Variants in GRIK1 observed in about 807,000 individuals in gnomAD.
GRIK1 encodes the protein glutamate receptor ionotropic, kainate 1.
A neutral mutation model predicts 105.7 loss-of-function variants in GRIK1; 69 were observed. The observed-to-expected ratio is 0.65, with a 90% CI of 0.54 to 0.80. GRIK1 has a LOEUF of 0.80. Among genes scored for constraint, GRIK1 ranks in the 30% least tolerant of loss-of-function variants. The pLI, the probability that GRIK1 is intolerant of heterozygous loss-of-function variation, is 0.00. For synonymous variants in GRIK1, 438 were observed against 431.3 expected (o/e 1.02, Z -0.19); for missense variants, 1,109 against 1,167.3 (o/e 0.95, Z 0.73).
intron 1 of GRIK1, among the ~76,000 whole-genome samples, chr21:29,715,245 T>C (rs2064152217): frequency 6.6e-6 from 1 of 152,202 alleles, no homozygotes; most frequent in Non-Finnish European, 1.5e-5. Context: ...GGGGATTCAC[T>C]AGTGACTGCC....
rs181337704 is a variant in GRIK1 at position 29,819,682 on chromosome 21, C to T, written c.118+119701G>A. ...ATAAGGTCATCATAATTCCTCCTCC[C>T]CCAGAGAAAATCTAACAGCAATTGT... On this transcript the variant is annotated intron_variant, in intron 1 of 17. Transcript: ENST00000327783. 2.1e-3 allele frequency among the ~76,000 whole-genome samples: 326 copies of T among 151,990 alleles called. 1 individual carries two copies. Among genetic ancestry groups the T allele is most frequent in the Non-Finnish European group, 3.2e-3 (218 of 67,942 alleles).
At chr21:29,692,919 T>A (rs2063612908) in intron 2 of GRIK1, among the ~76,000 whole-genome samples, 1 of 152,224 alleles carries the variant, frequency 6.6e-6, no homozygotes, top group South Asian at 2.1e-4. Context: ...AAGTTTTATA[T>A]TTTGTTTGCA....
intron 1 of GRIK1, among the ~76,000 whole-genome samples, chr21:29,701,325 C>T (rs1162136662): frequency 1.3e-5 from 2 of 152,064 alleles, no homozygotes; most frequent in Non-Finnish European, 2.9e-5. Flanking sequence ...TGGGAGGGCA[C>T]TTTTGAGCAA....
chr21:29,844,050 C>T (rs899157193), intron 1 of GRIK1, among the ~76,000 whole-genome samples: 1 of 152,208 alleles, frequency 6.6e-6, no homozygotes, highest in Non-Finnish European at 1.5e-5. Context: ...CTCACACTCT[C>T]ATTACGCCAT....
intron 1 of GRIK1, among the ~76,000 whole-genome samples, chr21:29,936,982 G>T (rs2071780858): frequency 6.6e-6 from 1 of 152,168 alleles, no homozygotes; most frequent in Non-Finnish European, 1.5e-5. Flanking sequence ...TTGGTTGGTT[G>T]ATTGTTTAGT....
Position 29,587,443 on chromosome 21 carries a change from G to A in GRIK1, c.1716C>T (p.Asn572=), listed in dbSNP as rs771223151. ...ACATCCAAATATCTGGAGACAGGGG[G>A]TTGAGGAAGGAGAAAACGCCTGGAT... The part of the protein sequence containing the change: ...GTNPGVFSFL[N]PLSPDIWMYV... The change falls in exon 12 of 18, where the codon AAC becomes AAT. Residue 572 remains asparagine (N), a synonymous_variant. Transcript: ENST00000327783. 54 of 1,613,614 alleles carry A rather than the reference G, an allele frequency of 3.3e-5. No homozygotes were observed. The South Asian group carries it at 5.7e-4, about 17-fold the overall frequency.
intron 11 of GRIK1, among the ~76,000 whole-genome samples, chr21:29,587,961 A>ATTTTTTTTTTTT (rs1555842114): frequency 1.2e-5 from 1 of 81,836 alleles, no homozygotes; most frequent in African/African-American, 5.5e-5. Flanking sequence ...AAACTTTAAA[A>ATTTTTTTTTTTT]TTCTTTTTTT....
intron 1 of GRIK1, among the ~76,000 whole-genome samples, chr21:29,728,955 G>A (rs2284459): frequency 0.038 from 5,826 of 152,164 alleles, 253 homozygotes; most frequent in East Asian, 0.1. Context: ...TGAAAGAAGA[G>A]GCGATACCAT....
At chr21:29,843,198 T>A (rs1030293567) in intron 1 of GRIK1, among the ~76,000 whole-genome samples, 8 of 152,282 alleles carry the variant, frequency 5.3e-5, no homozygotes, top group African/African-American at 1.9e-4. Flanking sequence ...TGAATGATGG[T>A]TGCTAATGCC....
chr21:29,827,208 A>G (rs1029882985), intron 1 of GRIK1, among the ~76,000 whole-genome samples: 4 of 152,152 alleles, frequency 2.6e-5, no homozygotes, highest in African/African-American at 9.6e-5. Flanking sequence ...GAAGAGATAT[A>G]CATTGCTATT....
chr21:29,776,758 AG>A (rs898683263), intron 1 of GRIK1, among the ~76,000 whole-genome samples: 2 of 152,230 alleles, frequency 1.3e-5, no homozygotes, highest in African/African-American at 4.8e-5. Context: ...ACCTCTTTGC[AG>A]GGGTGGTTGA....
chr21:29,681,681 A>T (rs1275384781), intron 3 of GRIK1, among the ~76,000 whole-genome samples: 6 of 152,172 alleles, frequency 3.9e-5, no homozygotes, highest in African/African-American at 1.4e-4. Flanking sequence ...CAACAATTAT[A>T]ATCATTTTAT....
chr21:29,866,677 T>C (rs529822136), intron 1 of GRIK1, among the ~76,000 whole-genome samples: 1 of 152,230 alleles, frequency 6.6e-6, no homozygotes, highest in East Asian at 1.9e-4. Flanking sequence ...AAGTACAAAA[T>C]AATGAAGACG....
intron 1 of GRIK1, among the ~76,000 whole-genome samples, chr21:29,749,973 TTTTA>T (rs902557329): frequency 6.6e-6 from 1 of 151,706 alleles, no homozygotes. Context: ...TACTATTTAT[TTTTA>T]TTTATTTATA....
intron 1 of GRIK1, among the ~76,000 whole-genome samples, chr21:29,818,387 C>T (rs940640344): frequency 4.6e-5 from 7 of 152,096 alleles, no homozygotes; most frequent in Non-Finnish European, 4.4e-5. Flanking sequence ...TCTAACTCTT[C>T]TAGATTCTTA....
At chr21:29,874,486 G>T (rs1007808604) in intron 1 of GRIK1, among the ~76,000 whole-genome samples, 1 of 152,112 alleles carries the variant, frequency 6.6e-6, no homozygotes, top group African/African-American at 2.4e-5. Flanking sequence ...TGACCAATCA[G>T]AACAAAATGC....
chr21:29,643,914 A>G (rs1163120760), intron 6 of GRIK1, among the ~76,000 whole-genome samples: 1 of 151,956 alleles, frequency 6.6e-6, no homozygotes, highest in Admixed American at 6.6e-5. Context: ...ACACATGCAC[A>G]CACACACACA....
At chr21:29,655,864 A>G (rs937734544) in intron 4 of GRIK1, among the ~76,000 whole-genome samples, 2 of 152,054 alleles carry the variant, frequency 1.3e-5, no homozygotes, top group South Asian at 4.2e-4. Context: ...AAGGAGGTGG[A>G]TAGGAAGGAC....
intron 14 of GRIK1, among the ~76,000 whole-genome samples, chr21:29,576,400 T>C (rs2090894301): frequency 6.6e-6 from 1 of 152,210 alleles, no homozygotes; most frequent in Non-Finnish European, 1.5e-5. Context: ...GCTTCAGGCA[T>C]GGCTGGGAAC....
Sources: allele counts gnomAD v4.1 joint callset (sites outside exome capture counted in the v4.1 genomes callset), GRCh38; gene constraint gnomAD v4.1.1; transcripts MANE v1.5; gene names NCBI Gene and HGNC (gene_info 2026-07-23, HGNC 2026-07-21).